HYDIN: variants seen among roughly 807,000 people sequenced by gnomAD.
HYDIN encodes the protein HYDIN axonemal central pair apparatus protein.
A neutral mutation model predicts 403.9 loss-of-function variants in HYDIN; 132 were observed. The ratio of observed to expected loss-of-function variants is 0.33; its 90% CI spans 0.28 to 0.38. The LOEUF is 0.38. HYDIN is among the 10% of genes least tolerant of loss of function. The pLI is 1.00. For synonymous variants in HYDIN, 1,202 were observed against 1,891.7 expected (o/e 0.64, Z 9.46); for missense variants, 2,827 against 5,009.5 (o/e 0.56, Z 13.15).
intron 4 of HYDIN, chr16:71,176,001 A>ATTAAATCAT (rs1294750189): frequency 2.2e-6 from 1 of 457,888 alleles, no homozygotes; most frequent in Non-Finnish European, 4.0e-6. Flanking sequence ...TCATTTTAAA[A>ATTAAATCAT]TTAAATCATT....
At chr16:71,173,375 G>A (rs1369311539) in intron 5 of HYDIN, among the ~76,000 whole-genome samples, 1 of 152,208 alleles carries the variant, frequency 6.6e-6, no homozygotes, top group Non-Finnish European at 1.5e-5. Context: ...AAAGAGCTGA[G>A]AGTAAGATAA....
intron 23 of HYDIN, among the ~76,000 whole-genome samples, chr16:71,007,022 T>C (rs1483416798): frequency 1.5e-5 from 2 of 136,002 alleles, no homozygotes; most frequent in Non-Finnish European, 3.2e-5. Flanking sequence ...CTCCCTCCCT[T>C]CCTCTATCCC....
chr16:70,819,324 T>C (rs1193192899), intron 83 of HYDIN, among the ~76,000 whole-genome samples: 1 of 152,158 alleles, frequency 6.6e-6, no homozygotes, highest in Admixed American at 6.5e-5. Flanking sequence ...ATAGAAATGC[T>C]TAATTAGTTA....
At chr16:71,120,830 C>T (rs1034469283) in intron 9 of HYDIN, among the ~76,000 whole-genome samples, 12 of 151,720 alleles carry the variant, frequency 7.9e-5, no homozygotes, top group African/African-American at 2.9e-4. Context: ...AAGTAGTTTA[C>T]GACTCAACTT....
rs200248012 is a variant in HYDIN, at chr16:71,031,836, C to T, written c.2611G>A (p.Ala871Thr). The T allele has an allele frequency of 3.7e-4, 434 of 1,184,974 alleles. 1 individual carries two copies. The highest frequency in any genetic ancestry group is 8.3e-4 in the Admixed American group (49 of 58,690). 73.4% of individuals were successfully genotyped at this position (1,184,974 alleles called of 1,614,324 possible). The change falls in exon 19 of 86, where the codon GCC becomes ACC. Residue 871 changes from alanine to threonine, a missense_variant. By Grantham distance (58) the Ala-to-Thr change is moderately conservative. Coordinates refer to ENST00000393567, the MANE Select transcript of HYDIN (RefSeq NM_001270974.2). ...PETDVQLALT[A>T]NLNDTLTFKD... Reference sequence around the variant, plus strand: ...AATGTCAGTGTGTCATTCAGGTTGGCGGTCAGTGCCAGTTGAACATCAGTT... The same window carrying T: ...AATGTCAGTGTGTCATTCAGGTTGGTGGTCAGTGCCAGTTGAACATCAGTT...
intron 41 of HYDIN, among the ~76,000 whole-genome samples, chr16:70,948,526 C>A (rs2077955192): frequency 6.6e-6 from 1 of 151,268 alleles, no homozygotes; most frequent in Non-Finnish European, 1.5e-5. Context: ...AGGCAACCTA[C>A]AAAATGGGAG....
At position 70,970,742 on chromosome 16, in the gene HYDIN, G is replaced by T; in HGVS notation, c.5397C>A (p.Thr1799=). The change falls in exon 36 of 86, where the codon ACC becomes ACA. Residue 1799 remains threonine (T), a synonymous_variant. Transcript: ENST00000393567. The part of the protein sequence containing the change: ...MPKEEKFYSQ[T]LVFQIAQSAQ... ...CACTCTGGGCAATCTGAAACACCAG[G>T]GTTTGGCTGTAGAATTTCTGGAAAA... 1 of 1,571,408 alleles carries T rather than the reference G, an allele frequency of 6.4e-7. No individual in the cohort carries two copies. The highest frequency in any genetic ancestry group is 1.9e-5 in the Admixed American group (1 of 52,754).
intron 1 of HYDIN, among the ~76,000 whole-genome samples, chr16:71,220,613 C>T (rs2089150778): frequency 6.6e-6 from 1 of 152,232 alleles, no homozygotes; most frequent in South Asian, 2.1e-4. Context: ...ATGTATACAG[C>T]GAATACATCC....
At chr16:70,995,002 T>G (rs2079482514) in intron 23 of HYDIN, among the ~76,000 whole-genome samples, 2 of 151,566 alleles carry the variant, frequency 1.3e-5, no homozygotes, top group Non-Finnish European at 2.9e-5. Flanking sequence ...TCTTCATACC[T>G]GAGGAAAAAC....
intron 8 of HYDIN, chr16:71,131,825 TC>T (rs1192752958): frequency 6.7e-6 from 1 of 149,744 alleles, no homozygotes; most frequent in Non-Finnish European, 1.5e-5. Flanking sequence ...GAGGTTTGAA[TC>T]CCCTGGTGCT....
At chr16:70,923,632 C>A (rs2077063981) in intron 45 of HYDIN, among the ~76,000 whole-genome samples, 1 of 105,840 alleles carries the variant, frequency 9.4e-6, no homozygotes, top group Non-Finnish European at 1.9e-5. Context: ...GAAACCCCGT[C>A]TCTACTAAAA....
intron 5 of HYDIN, among the ~76,000 whole-genome samples, chr16:71,173,029 C>T (rs2086531623): frequency 6.6e-6 from 1 of 152,210 alleles, no homozygotes; most frequent in Non-Finnish European, 1.5e-5. Context: ...CTAAGGAAGA[C>T]TTTCCAACAG....
intron 5 of HYDIN, among the ~76,000 whole-genome samples, chr16:71,170,327 T>C (rs1687101989): frequency 6.6e-6 from 1 of 152,234 alleles, no homozygotes; most frequent in Admixed American, 6.5e-5. Flanking sequence ...ATGTAGGGAA[T>C]GATCTTTATT....
At position 70,810,007 on chromosome 16, in the gene HYDIN, C is replaced by T. The variant is rs1044250307; in HGVS notation, c.14659G>A (p.Gly4887Ser). 1 of 1,613,910 alleles carries T rather than the reference C, an allele frequency of 6.2e-7. No individual in the cohort carries two copies. Among genetic ancestry groups the T allele is most frequent in the Middle Eastern group, 1.7e-4 (1 of 6,022 alleles). The change falls in exon 85 of 86, where the codon GGC becomes AGC. Residue 4887 changes from glycine (G) to serine (S), a missense_variant and splice_region_variant. Coordinates refer to ENST00000393567, the MANE Select transcript of HYDIN (RefSeq NM_001270974.2). ...GGCTGAAATTCAAATGAGAACGTGC[C>T]CTGGAAGAGAAAACAGAGGATCCTG... is the stretch of plus-strand genomic sequence containing the variant. ...SQFVVPANSE[G>S]TFSFEFQPLK...
intron 83 of HYDIN, among the ~76,000 whole-genome samples, chr16:70,820,751 T>G (rs1259473971): frequency 6.6e-6 from 1 of 151,494 alleles, no homozygotes; most frequent in Non-Finnish European, 1.5e-5. Flanking sequence ...TGGGTTCAAG[T>G]GACTCTCCAG....
At position 71,180,537 on chromosome 16, in the gene HYDIN, T is replaced by C. The variant is rs535782144; in HGVS notation, c.262-1490A>G. Among the ~76,000 whole-genome samples the C allele has an allele frequency of 2.0e-5, 3 of 152,202 alleles. No homozygotes were observed. In the South Asian group the frequency reaches 6.2e-4, roughly 32 times the overall value. On this transcript the variant is annotated intron_variant, in intron 3 of 85. Transcript: ENST00000393567. ...GTCTATAACGTTAGCATAACCTCCTTTATATATCTGAGAAAGACACTAAGG... is the reference window on the plus strand; with the variant it reads ...GTCTATAACGTTAGCATAACCTCCTCTATATATCTGAGAAAGACACTAAGG...
Position 70,920,575 on chromosome 16 carries a change from G to A in HYDIN, c.7785+16C>T, listed in dbSNP as rs2076962988. ...GCCTGACTTGAGACTTCCCCACCCT[G>A]GAGGAGAGTCCATACCTGCTCTCCT... On this transcript the variant is annotated intron_variant, in intron 46 of 85. Transcript: ENST00000393567. 9 of 1,580,916 alleles carry A rather than the reference G, an allele frequency of 5.7e-6. No homozygotes were observed. The highest frequency in any genetic ancestry group is 1.3e-5 in the African/African-American group (1 of 74,192).
intron 1 of HYDIN, among the ~76,000 whole-genome samples, chr16:71,224,432 G>C (rs2040937268): frequency 6.6e-6 from 1 of 152,000 alleles, no homozygotes; most frequent in African/African-American, 2.4e-5. Context: ...CCTCAAAAAT[G>C]ATTGAAATAT....
At chr16:70,910,071 CT>C (rs961649060) in intron 47 of HYDIN, among the ~76,000 whole-genome samples, 1 of 151,694 alleles carries the variant, frequency 6.6e-6, no homozygotes, top group Admixed American at 6.6e-5. Flanking sequence ...TGTTATGTTT[CT>C]TTTTTAATTT....
Sources: gnomAD v4.1 joint callset for allele counts (sites outside exome capture counted in the v4.1 genomes callset) on GRCh38, gnomAD v4.1.1 for gene constraint, MANE v1.5 for transcripts, NCBI Gene and HGNC (gene_info 2026-07-23, HGNC 2026-07-21) for gene names.